MKRN1: variants seen among roughly 807,000 people sequenced by gnomAD.
The protein encoded by MKRN1 is E3 ubiquitin-protein ligase makorin-1.
In MKRN1, 9 loss-of-function variants were observed where a neutral mutation model predicts 55.5. That is an observed-to-expected ratio of 0.16 (90% CI 0.10 to 0.28). MKRN1 has a LOEUF of 0.28. MKRN1 is among the 10% of genes least tolerant of loss of function. The pLI is 1.00. For missense variants in MKRN1, 488 were observed against 626.7 expected, an observed-to-expected ratio of 0.78 and a Z score of 2.36; for synonymous variants, 253 against 235.9, an observed-to-expected ratio of 1.07 and a Z score of -0.66.
At chr7:140,476,785 G>A (rs1381591454) in intron 1 of MKRN1, among the ~76,000 whole-genome samples, 5 of 151,480 alleles carry the variant, frequency 3.3e-5, no homozygotes, top group African/African-American at 1.2e-4. Flanking sequence ...CAAAGTGAAC[G>A]ATAAGGATCA....
chr7:140,469,495 G>A (rs900923730), intron 2 of MKRN1, among the ~76,000 whole-genome samples: 2 of 152,148 alleles, frequency 1.3e-5, no homozygotes, highest in African/African-American at 2.4e-5. Context: ...GGAAATAACA[G>A]TATATGACTT....
At chr7:140,468,964 C>A (rs1448445853) in intron 2 of MKRN1, among the ~76,000 whole-genome samples, 1 of 152,080 alleles carries the variant, frequency 6.6e-6, no homozygotes, top group African/African-American at 2.4e-5. Context: ...CCCACACCAT[C>A]AATAATGTCA....
At chr7:140,456,360 T>G in intron 5 of MKRN1, 2 of 1,275,570 alleles carry the variant, frequency 1.6e-6, no homozygotes, top group Non-Finnish European at 2.0e-6. Flanking sequence ...CAGAGCTAGA[T>G]CAGTTTGTTC....
intron 1 of MKRN1, chr7:140,474,516 G>C (rs1296362945): frequency 3.5e-6 from 1 of 285,296 alleles, no homozygotes; most frequent in African/African-American, 2.3e-5. Flanking sequence ...ATAAATAAAA[G>C]GCTGTAGAAG....
chr7:140,465,770 A>G (rs1004821728), intron 2 of MKRN1, among the ~76,000 whole-genome samples: 3 of 152,120 alleles, frequency 2.0e-5, no homozygotes, highest in African/African-American at 7.2e-5. Flanking sequence ...TTACATAAAG[A>G]GATCCCAACA....
At chr7:140,474,018 AAAG>A (rs1339913561) in intron 1 of MKRN1, among the ~76,000 whole-genome samples, 1 of 46,960 alleles carries the variant, frequency 2.1e-5, no homozygotes, top group Non-Finnish European at 3.9e-5. Context: ...AGAAAGAAAG[AAAG>A]AAAGAAAGAA....
intron 2 of MKRN1, among the ~76,000 whole-genome samples, chr7:140,465,648 T>G (rs116168613): frequency 6.6e-6 from 1 of 152,058 alleles, no homozygotes; most frequent in Non-Finnish European, 1.5e-5. Context: ...GCACCACCAT[T>G]ACGAAACACT....
chr7:140,458,573 G>A (rs1452351561), intron 4 of MKRN1, among the ~76,000 whole-genome samples: 2 of 152,182 alleles, frequency 1.3e-5, no homozygotes, highest in Non-Finnish European at 2.9e-5. Flanking sequence ...AATGGTAATG[G>A]TTGCACATCT....
rs1296437744 is a variant in MKRN1, at chr7:140,471,969, G to A, written c.228C>T (p.Arg76=). ...GACTGTCAGAGAGGTCATGCGAGTA[G>A]CGACAGTTGTCTCCTTCCTTACAAA... The part of the protein sequence containing the change: ...HGVCKEGDNC[R]YSHDLSDSPY... Residue 76 remains arginine, a synonymous_variant, in exon 2 of 8, where the codon CGC becomes CGT. Coordinates refer to ENST00000255977, the MANE Select transcript of MKRN1 (RefSeq NM_013446.4). 6.2e-7 allele frequency: 1 copy of A among 1,614,152 alleles called. No individual in the cohort carries two copies. Among genetic ancestry groups the A allele is most frequent in the South Asian group, 1.1e-5 (1 of 91,090 alleles).
At chr7:140,468,565 G>A (rs1265148276) in intron 2 of MKRN1, among the ~76,000 whole-genome samples, 1 of 151,890 alleles carries the variant, frequency 6.6e-6, no homozygotes, top group Non-Finnish European at 1.5e-5. Context: ...GCTGGGTGTG[G>A]TGGCACATGC....
At chr7:140,477,191 C>A (rs77927479) in intron 1 of MKRN1, among the ~76,000 whole-genome samples, 2 of 151,566 alleles carry the variant, frequency 1.3e-5, no homozygotes, top group African/African-American at 4.9e-5. Flanking sequence ...CTAGAACAAC[C>A]GAAAACAATG....
intron 2 of MKRN1, among the ~76,000 whole-genome samples, chr7:140,464,475 GGGC>G (rs1794714432): frequency 6.6e-6 from 1 of 152,000 alleles, no homozygotes; most frequent in African/African-American, 2.4e-5. Context: ...AGGCCGAGGT[GGGC>G]GATCACCTGA....
chr7:140,456,584 G>T, intron 5 of MKRN1, 68 bp downstream of exon 5: 1 of 1,578,400 alleles, frequency 6.3e-7, no homozygotes, highest in Non-Finnish European at 8.6e-7. Flanking sequence ...CTGGTTGAAA[G>T]TTGGCACAAG....
rs1325176248 is a variant in MKRN1 at position 140,453,778 on chromosome 7, A to C, written c.*739T>G. On this transcript the variant is annotated 3_prime_UTR_variant, in exon 8 of 8. Transcript: ENST00000255977. ...AATACTGCATCTATGCAGGGATGAG[A>C]AGCTTATCACACACCCACACACTCA... 1 of 153,648 alleles carries C rather than the reference A, an allele frequency of 6.5e-6. No homozygotes were observed. Among genetic ancestry groups the C allele is most frequent in the African/African-American group, 2.4e-5 (1 of 41,446 alleles). The allele number at this position is 153,648 out of a possible 1,614,324, so 9.5% of individuals were successfully genotyped here. A position where few individuals can be genotyped will look rare whatever the true frequency, so the allele number is the denominator to read the frequency against.
chr7:140,460,019 G>A, intron 2 of MKRN1, 83 bp from the exon 3 acceptor site: 4 of 1,198,090 alleles, frequency 3.3e-6, no homozygotes, highest in South Asian at 1.3e-5. Context: ...AGCTGAGGTG[G>A]GTGGATCACC....
chr7:140,461,682 G>C (rs947100795), intron 2 of MKRN1, among the ~76,000 whole-genome samples: 6 of 152,024 alleles, frequency 3.9e-5, no homozygotes, highest in Admixed American at 2.0e-4. Context: ...CTTTCTGCCT[G>C]AGAAAATTCT....
chr7:140,456,757 G>A lies in MKRN1; in HGVS notation c.881C>T (p.Pro294Leu). The change falls in exon 5 of 8, where the codon CCC becomes CTC. Residue 294 changes from proline to leucine, a missense_variant. Pro to Leu is a moderately conservative substitution (Grantham distance 98, BLOSUM62 -3). Around this residue, in one of 2 missense-constraint regions of MKRN1, gnomAD observed 278 missense variants for 406.7 expected, o/e 0.68. Coordinates refer to ENST00000255977, the MANE Select transcript of MKRN1 (RefSeq NM_013446.4). ...CMEVVYEKANPSERRFGILSN... is the reference protein window; with the variant it reads ...CMEVVYEKANLSERRFGILSN... ...GAGGATCCCGAAGCGGCGCTCACTG[G>A]GGTTGGCTTTCTCATAGACCACCTC... 2 of 1,614,004 alleles carry A rather than the reference G, an allele frequency of 1.2e-6. No homozygotes were observed. Among genetic ancestry groups the A allele is most frequent in the Non-Finnish European group, 1.7e-6 (2 of 1,179,948 alleles).
At chr7:140,478,460 G>T (rs2130382480) in intron 1 of MKRN1, 1 of 150,826 alleles carries the variant, frequency 6.6e-6, no homozygotes, top group South Asian at 2.1e-4. Flanking sequence ...TAGCGCTGGG[G>T]GAGGGTAATA....
chr7:140,461,880 G>A (rs924235976), intron 2 of MKRN1, among the ~76,000 whole-genome samples: 3 of 152,168 alleles, frequency 2.0e-5, no homozygotes, highest in Non-Finnish European at 4.4e-5. Flanking sequence ...CTACTTGGGA[G>A]GCAGAGGCAG....
Sources: gnomAD v4.1 joint callset for allele counts (sites outside exome capture counted in the v4.1 genomes callset) on GRCh38, gnomAD v4.1.1 for gene constraint, gnomAD v4.1.1 regional missense constraint, MANE v1.5 for transcripts, NCBI Gene and HGNC (gene_info 2026-07-23, HGNC 2026-07-21) for gene names.